Variants in HPSE2 observed in about 807,000 individuals in gnomAD.
The protein encoded by HPSE2 is inactive heparanase-2.
In HPSE2, 38 loss-of-function variants were observed where a neutral mutation model predicts 60.5. The observed-to-expected ratio is 0.63, with a 90% CI of 0.48 to 0.82. The LOEUF is 0.82. Ranked by LOEUF, HPSE2 falls within the 40% of genes least tolerant of loss-of-function variation. The pLI is 0.00. For missense variants in HPSE2, 713 were observed against 740.4 expected, an observed-to-expected ratio of 0.96 and a Z score of 0.43; for synonymous variants, 295 against 293.2, an observed-to-expected ratio of 1.01 and a Z score of -0.06.
At chr10:99,310,165 C>A in the HPSE2 span, among the ~76,000 whole-genome samples, 1 of 152,280 alleles carries the variant, frequency 6.6e-6, no homozygotes, top group Non-Finnish European at 1.5e-5. Context: ...GCATTTAGGG[C>A]CCACCTGGAA....
intron 3 of HPSE2, among the ~76,000 whole-genome samples, chr10:98,907,453 T>C (rs1046909395): frequency 2.0e-5 from 3 of 152,172 alleles, no homozygotes; most frequent in Admixed American, 6.5e-5. Flanking sequence ...CTAGGCAACA[T>C]AGTGAGACCT....
rs368068328 is a variant in HPSE2, at chr10:98,821,913, C to CA, written c.611-77858dup. Reference sequence around the variant, plus strand: ...CTTATAGCTGATATGGATTGTTTTCCAAAAAAGGATTTAAATGATGTTGTG... The same window carrying CA: ...CTTATAGCTGATATGGATTGTTTTCCAAAAAAAGGATTTAAATGATGTTGTG... On this transcript the variant is annotated intron_variant, in intron 3 of 11. Coordinates refer to ENST00000370552, the MANE Select transcript of HPSE2 (RefSeq NM_021828.5). Among the ~76,000 whole-genome samples the CA allele has an allele frequency of 5.8e-3, 883 of 152,008 alleles. 5 individuals are homozygous for CA. The highest frequency in any genetic ancestry group is 0.02 in the African/African-American group (834 of 41,462).
At chr10:98,707,712 T>C (rs1948582480) in intron 5 of HPSE2, among the ~76,000 whole-genome samples, 1 of 152,116 alleles carries the variant, frequency 6.6e-6, no homozygotes. Context: ...TAAAATCAGA[T>C]ATAGGAAAAG....
At chr10:99,286,123 G>A in the HPSE2 span, among the ~76,000 whole-genome samples, 1 of 152,146 alleles carries the variant, frequency 6.6e-6, no homozygotes, top group African/African-American at 2.4e-5. Context: ...CATAGCTAAT[G>A]GGAACGTGAA....
intron 3 of HPSE2, among the ~76,000 whole-genome samples, chr10:99,120,023 C>T (rs1252665181): frequency 6.6e-6 from 1 of 152,114 alleles, no homozygotes; most frequent in East Asian, 1.9e-4. Flanking sequence ...CCATCCTGGA[C>T]ATAGGAACAG....
intron 6 of HPSE2, among the ~76,000 whole-genome samples, chr10:98,688,248 T>C (rs946575796): frequency 4.6e-5 from 7 of 152,068 alleles, no homozygotes; most frequent in Non-Finnish European, 7.4e-5. Flanking sequence ...CTTTGTGGTA[T>C]TATTGCCATG....
At chr10:98,463,204 T>C (rs1940376872) in intron 11 of HPSE2, among the ~76,000 whole-genome samples, 1 of 152,140 alleles carries the variant, frequency 6.6e-6, no homozygotes, top group Non-Finnish European at 1.5e-5. Context: ...CTGTTGTCAC[T>C]GCACCGCTTC....
intron 9 of HPSE2, among the ~76,000 whole-genome samples, chr10:98,545,155 A>C (rs1233735452): frequency 6.6e-6 from 1 of 152,160 alleles, no homozygotes; most frequent in Non-Finnish European, 1.5e-5. Context: ...AATTGTGGCA[A>C]TAATCAATAG....
intron 2 of HPSE2, among the ~76,000 whole-genome samples, chr10:99,179,392 C>T (rs1847665275): frequency 6.6e-6 from 1 of 152,162 alleles, no homozygotes; most frequent in South Asian, 2.1e-4. Context: ...TTTCCTTAAG[C>T]TGATAAGCAA....
intron 3 of HPSE2, among the ~76,000 whole-genome samples, chr10:98,812,517 T>C (rs1317487884): frequency 2.6e-5 from 4 of 152,166 alleles, no homozygotes; most frequent in Admixed American, 2.6e-4. Context: ...TAGTCTATAT[T>C]CTATGCTCTG....
chr10:98,578,275 A>G (rs961532121), intron 9 of HPSE2, among the ~76,000 whole-genome samples: 2 of 152,154 alleles, frequency 1.3e-5, no homozygotes, highest in African/African-American at 4.8e-5. Context: ...GTCCCATGGG[A>G]ACTGAAAATT....
chr10:99,180,579 C>T lies in HPSE2; in HGVS notation c.449-36180G>A, dbSNP rs143479467. ...TACCATCTCAGGCCAGTTAGAATGG[C>T]GATCATTAAAAAGTCAAGAAACTGG... is the stretch of plus-strand genomic sequence containing the variant. On this transcript the variant is annotated intron_variant, in intron 2 of 11. Coordinates refer to ENST00000370552, the MANE Select transcript of HPSE2 (RefSeq NM_021828.5). 2.1e-3 allele frequency among the ~76,000 whole-genome samples: 322 copies of T among 152,080 alleles called. 1 individual carries two copies. Among genetic ancestry groups the T allele is most frequent in the African/African-American group, 7.3e-3 (302 of 41,468 alleles).
chr10:98,984,662 GAGA>G (rs1324776444), intron 3 of HPSE2, among the ~76,000 whole-genome samples: 2 of 152,202 alleles, frequency 1.3e-5, no homozygotes, highest in Non-Finnish European at 2.9e-5. Context: ...GACGAGTTGA[GAGA>G]AGAAGGCTTC....
At chr10:98,678,668 G>T (rs1042070770) in intron 6 of HPSE2, among the ~76,000 whole-genome samples, 1 of 151,922 alleles carries the variant, frequency 6.6e-6, no homozygotes, top group Middle Eastern at 3.4e-3. Flanking sequence ...ACTTCTTTTG[G>T]TCTCTGGTGG....
the HPSE2 span, among the ~76,000 whole-genome samples, chr10:99,306,012 C>CACACACACACACACACA: frequency 6.7e-6 from 1 of 150,302 alleles, no homozygotes; most frequent in African/African-American, 2.5e-5. Flanking sequence ...CACACACACA[C>CACACACACACACACACA]ACCAGACTGC....
At chr10:98,727,590 A>C (rs1949119223) in intron 4 of HPSE2, among the ~76,000 whole-genome samples, 1 of 151,846 alleles carries the variant, frequency 6.6e-6, no homozygotes, top group Non-Finnish European at 1.5e-5. Flanking sequence ...CAGGAGGCGG[A>C]GGTTGCAGTG....
At chr10:98,866,242 G>T (rs997784224) in intron 3 of HPSE2, among the ~76,000 whole-genome samples, 3 of 151,852 alleles carry the variant, frequency 2.0e-5, no homozygotes, top group Non-Finnish European at 4.4e-5. Flanking sequence ...ATACACAAAG[G>T]TTTAACAGTA....
intron 2 of HPSE2, among the ~76,000 whole-genome samples, chr10:99,217,151 C>G (rs567806838): frequency 7.3e-5 from 11 of 151,500 alleles, no homozygotes; most frequent in Non-Finnish European, 1.5e-4. Flanking sequence ...TTCTGCCTTT[C>G]GGTGAACATT....
At chr10:98,512,589 A>AG (rs1055835145) in intron 9 of HPSE2, among the ~76,000 whole-genome samples, 1 of 151,590 alleles carries the variant, frequency 6.6e-6, no homozygotes. Flanking sequence ...CGTCTCAAAA[A>AG]AAAAAAAAAT....
Sources: allele counts gnomAD v4.1 joint callset (sites outside exome capture counted in the v4.1 genomes callset), GRCh38; gene constraint gnomAD v4.1.1; transcripts MANE v1.5; gene names NCBI Gene and HGNC (gene_info 2026-07-23, HGNC 2026-07-21).